Variants in STXBP5L observed in about 807,000 individuals in gnomAD.
STXBP5L encodes syntaxin-binding protein 5-like.
In STXBP5L, 65 loss-of-function variants were observed where a neutral mutation model predicts 144.5. The ratio of observed to expected loss-of-function variants is 0.45; its 90% CI spans 0.37 to 0.55. The LOEUF (loss-of-function observed/expected upper bound fraction) is 0.55, where lower values mean the gene tolerates loss of function less well. Ranked by LOEUF, STXBP5L falls within the 20% of genes least tolerant of loss-of-function variation. The probability of loss-of-function intolerance (pLI) is 0.00; values close to 1 mark genes in which losing one functional copy is unlikely to be tolerated. For synonymous variants in STXBP5L, 505 were observed against 469.6 expected (o/e 1.08, Z -0.97); for missense variants, 1,298 against 1,405.5 (o/e 0.92, Z 1.22).
At chr3:121,279,554 G>A (rs186140890) in intron 18 of STXBP5L, among the ~76,000 whole-genome samples, 7 of 151,880 alleles carry the variant, frequency 4.6e-5, no homozygotes, top group Admixed American at 3.3e-4. Flanking sequence ...GGGTAATCAC[G>A]ACTTACATGA....
intron 10 of STXBP5L, among the ~76,000 whole-genome samples, chr3:121,219,205 A>C (rs1186751197): frequency 6.6e-6 from 1 of 152,150 alleles, no homozygotes; most frequent in Non-Finnish European, 1.5e-5. Context: ...TAAAAAGCAG[A>C]GGGGCAGTGA....
At chr3:120,924,846 G>C (rs943214392) in intron 2 of STXBP5L, among the ~76,000 whole-genome samples, 1 of 151,948 alleles carries the variant, frequency 6.6e-6, no homozygotes, top group Non-Finnish European at 1.5e-5. Context: ...GAGTAGCTGG[G>C]ACTACAGGCT....
At chr3:121,342,947 GT>G (rs2044781073) in intron 20 of STXBP5L, among the ~76,000 whole-genome samples, 1 of 150,238 alleles carries the variant, frequency 6.7e-6, no homozygotes, top group South Asian at 2.1e-4. Flanking sequence ...GGTTGAACTA[GT>G]TTACAGTCCC....
At chr3:121,181,334 G>C (rs1405091481) in intron 9 of STXBP5L, among the ~76,000 whole-genome samples, 2 of 151,520 alleles carry the variant, frequency 1.3e-5, no homozygotes, top group South Asian at 2.1e-4. Context: ...AAAGTAAAGA[G>C]AGGAGAGGAG....
intron 5 of STXBP5L, among the ~76,000 whole-genome samples, chr3:121,113,910 G>A (rs1419664112): frequency 6.6e-6 from 1 of 151,934 alleles, no homozygotes; most frequent in Non-Finnish European, 1.5e-5. Context: ...TTGACCTCAT[G>A]ATCCACCTGC....
intron 25 of STXBP5L, among the ~76,000 whole-genome samples, chr3:121,417,275 TA>T (rs1403517350): frequency 1.3e-5 from 2 of 152,130 alleles, no homozygotes; most frequent in Non-Finnish European, 2.9e-5. Context: ...GTGAATACAC[TA>T]AAAACAAGTG....
At chr3:121,343,294 G>A (rs1480453985) in intron 20 of STXBP5L, among the ~76,000 whole-genome samples, 1 of 151,906 alleles carries the variant, frequency 6.6e-6, no homozygotes, top group Non-Finnish European at 1.5e-5. Flanking sequence ...TTTGTAGGTT[G>A]GCTGTTCACT....
At chr3:120,966,801 G>A (rs1328554280) in intron 3 of STXBP5L, among the ~76,000 whole-genome samples, 2 of 152,160 alleles carry the variant, frequency 1.3e-5, no homozygotes, top group Non-Finnish European at 2.9e-5. Flanking sequence ...GAGCTCAAAT[G>A]CTGTGCTGGG....
At chr3:121,172,199 A>C (rs1271344240) in intron 9 of STXBP5L, among the ~76,000 whole-genome samples, 2 of 152,236 alleles carry the variant, frequency 1.3e-5, no homozygotes, top group Non-Finnish European at 2.9e-5. Context: ...GATGGATTAA[A>C]GACTTAAATG....
At chr3:120,973,354 T>A (rs527983023) in intron 3 of STXBP5L, among the ~76,000 whole-genome samples, 157 of 152,142 alleles carry the variant, frequency 1.0e-3, no homozygotes, top group Non-Finnish European at 1.3e-3. Flanking sequence ...AGTTTGAGAG[T>A]GTAGAGGTGC....
intron 5 of STXBP5L, among the ~76,000 whole-genome samples, chr3:121,103,021 G>A (rs982735204): frequency 6.6e-6 from 1 of 152,094 alleles, no homozygotes; most frequent in Non-Finnish European, 1.5e-5. Flanking sequence ...CTACCCATCA[G>A]AATGGCTATT....
chr3:121,002,990 A>G (rs1487067868), intron 3 of STXBP5L, among the ~76,000 whole-genome samples: 1 of 152,100 alleles, frequency 6.6e-6, no homozygotes, highest in Non-Finnish European at 1.5e-5. Context: ...AGTCCTTGCT[A>G]TTGTGAATAG....
chr3:121,136,671 G>A (rs577383224), intron 7 of STXBP5L, among the ~76,000 whole-genome samples: 1 of 152,236 alleles, frequency 6.6e-6, no homozygotes, highest in East Asian at 1.9e-4. Context: ...CAATCTAGAG[G>A]TTTTCCAAAG....
At chr3:121,190,835 T>TGCTGGG (rs2047639882) in intron 9 of STXBP5L, among the ~76,000 whole-genome samples, 1 of 145,818 alleles carries the variant, frequency 6.9e-6, no homozygotes, top group Non-Finnish European at 1.5e-5. Context: ...GGGCGGCCAG[T>TGCTGGG]CAGAGATGCT....
chr3:121,134,775 T>C (rs2045167419), intron 7 of STXBP5L, among the ~76,000 whole-genome samples: 1 of 152,218 alleles, frequency 6.6e-6, no homozygotes, highest in Admixed American at 6.5e-5. Flanking sequence ...ATAGTGTATA[T>C]GTGCCATATT....
chr3:121,162,201 T>C (rs1304478488), intron 9 of STXBP5L, among the ~76,000 whole-genome samples: 3 of 152,186 alleles, frequency 2.0e-5, no homozygotes, highest in Non-Finnish European at 4.4e-5. Context: ...ATATCATATG[T>C]ATGCATACTA....
At chr3:121,314,961 C>G (rs1011008746) in intron 19 of STXBP5L, among the ~76,000 whole-genome samples, 3 of 152,074 alleles carry the variant, frequency 2.0e-5, no homozygotes, top group Non-Finnish European at 4.4e-5. Context: ...GTTAGAATGG[C>G]AATCATTAAA....
At chr3:121,053,329 T>C (rs964395327) in intron 5 of STXBP5L, among the ~76,000 whole-genome samples, 2 of 152,200 alleles carry the variant, frequency 1.3e-5, no homozygotes, top group African/African-American at 4.8e-5. Context: ...TCACACTCCC[T>C]GATTTCAAAC....
chr3:121,283,906 T>C (rs935154479), intron 19 of STXBP5L, among the ~76,000 whole-genome samples: 5 of 151,590 alleles, frequency 3.3e-5, no homozygotes, highest in African/African-American at 1.2e-4. Context: ...TGTGTGTGTG[T>C]GTGTGTGTGT....
Sources: allele counts gnomAD v4.1 joint callset (sites outside exome capture counted in the v4.1 genomes callset), GRCh38; gene constraint gnomAD v4.1.1; transcripts MANE v1.5; gene names NCBI Gene and HGNC (gene_info 2026-07-23, HGNC 2026-07-21).